HYAL4: variants seen among roughly 807,000 people sequenced by gnomAD.
HYAL4 encodes hyaluronidase 4.
HYAL4 carries 37 observed loss-of-function variants against 35.2 expected under a neutral mutation model. That is an observed-to-expected ratio of 1.05 (90% confidence interval 0.81 to 1.38). The LOEUF (loss-of-function observed/expected upper bound fraction) is 1.38, where lower values mean the gene tolerates loss of function less well. Among genes scored for constraint, HYAL4 ranks in the 40% most tolerant of loss-of-function variants. The pLI, the probability that HYAL4 is intolerant of heterozygous loss-of-function variation, is 0.00. For missense variants in HYAL4, 572 were observed against 572.4 expected (o/e 1.00, Z 0.01); for synonymous variants, 198 against 203.2 (o/e 0.97, Z 0.22).
At chr7:123,819,362 G>A in the HYAL4 span, 1 of 152,610 alleles carries the variant, frequency 6.6e-6, no homozygotes, top group African/African-American at 2.4e-5. Context: ...GCATGCAATT[G>A]GCGAAAGTGC....
intron 2 of HYAL4, among the ~76,000 whole-genome samples, chr7:123,858,180 C>G (rs1034818075): frequency 2.0e-5 from 3 of 152,100 alleles, no homozygotes; most frequent in African/African-American, 4.8e-5. Flanking sequence ...CTATCTCTAT[C>G]TCAAAAACAA....
At chr7:123,829,723 A>G (rs1163133085) in intron 1 of HYAL4, among the ~76,000 whole-genome samples, 4 of 152,156 alleles carry the variant, frequency 2.6e-5, no homozygotes, top group Non-Finnish European at 4.4e-5. Flanking sequence ...AGTCCCAGCA[A>G]CTTCAGCCTG....
At chr7:123,794,952 C>T in the HYAL4 span, among the ~76,000 whole-genome samples, 1 of 152,312 alleles carries the variant, frequency 6.6e-6, no homozygotes, top group South Asian at 2.1e-4. Context: ...TAATGCCAGC[C>T]CCTGAAGGCA....
At chr7:123,807,617 T>C in the HYAL4 span, among the ~76,000 whole-genome samples, 1 of 151,752 alleles carries the variant, frequency 6.6e-6, no homozygotes, top group Non-Finnish European at 1.5e-5. Flanking sequence ...ATTTTTGTAT[T>C]TTTAGTAGAG....
intron 2 of HYAL4, among the ~76,000 whole-genome samples, chr7:123,864,070 CCTGT>C (rs1806635773): frequency 6.6e-6 from 1 of 152,008 alleles, no homozygotes; most frequent in South Asian, 2.1e-4. Flanking sequence ...TGAAATAGGC[CCTGT>C]CTGTTTGCTG....
At chr7:123,815,438 A>C in the HYAL4 span, among the ~76,000 whole-genome samples, 1 of 152,190 alleles carries the variant, frequency 6.6e-6, no homozygotes, top group Non-Finnish European at 1.5e-5. Flanking sequence ...AACCAACTAC[A>C]TTTCTCATTA....
chr7:123,777,364 G>T, the HYAL4 span, among the ~76,000 whole-genome samples: 1 of 151,252 alleles, frequency 6.6e-6, no homozygotes, highest in African/African-American at 2.4e-5. Context: ...GGATATATTG[G>T]GTTAAATAAA....
chr7:123,803,649 C>T, the HYAL4 span, among the ~76,000 whole-genome samples: 2 of 152,104 alleles, frequency 1.3e-5, no homozygotes, highest in Admixed American at 1.3e-4. Context: ...TAGATATTTT[C>T]CTCCTTTGCA....
At chr7:123,834,046 A>T (rs1255449966) in intron 1 of HYAL4, among the ~76,000 whole-genome samples, 3 of 152,142 alleles carry the variant, frequency 2.0e-5, no homozygotes, top group Non-Finnish European at 4.4e-5. Context: ...CTTTTTGCTT[A>T]GTCTTGCTTT....
chr7:123,781,012 C>T, the HYAL4 span, among the ~76,000 whole-genome samples: 1 of 49,900 alleles, frequency 2.0e-5, no homozygotes, highest in Non-Finnish European at 3.8e-5. Flanking sequence ...AATATGGCCT[C>T]GTGGGAAGGG....
chr7:123,825,844 A>G (rs1012816205), upstream of HYAL4, among the ~76,000 whole-genome samples: 3 of 152,110 alleles, frequency 2.0e-5, no homozygotes, highest in East Asian at 3.8e-4. Context: ...TCATAAATTT[A>G]TACTTTTAAC....
chr7:123,868,225 C>G lies in HYAL4; in HGVS notation c.-49C>G. The G allele has an allele frequency of 9.7e-7, 1 of 1,032,286 alleles. No homozygotes were observed. The highest frequency in any genetic ancestry group is 1.6e-5 in the African/African-American group (1 of 62,464). 63.9% of individuals were successfully genotyped at this position (1,032,286 alleles called of 1,614,324 possible). ...CAGAAAATTAAATCTCTCCACAGGTCTTCTAGAGTGCACTAAAGCAGAAGA... is the reference window on the plus strand; with the variant it reads ...CAGAAAATTAAATCTCTCCACAGGTGTTCTAGAGTGCACTAAAGCAGAAGA... On this transcript the variant is annotated splice_region_variant and 5_prime_UTR_variant, in exon 3 of 5. Transcript: ENST00000223026.
At chr7:123,850,492 G>A (rs1005858381) in intron 2 of HYAL4, among the ~76,000 whole-genome samples, 23 of 152,012 alleles carry the variant, frequency 1.5e-4, no homozygotes, top group African/African-American at 5.1e-4. Context: ...CCTCCTCCTC[G>A]GCCTCCCAAA....
At chr7:123,818,262 A>G in the HYAL4 span, among the ~76,000 whole-genome samples, 1 of 152,170 alleles carries the variant, frequency 6.6e-6, no homozygotes, top group Non-Finnish European at 1.5e-5. Context: ...TTTACTTTCC[A>G]AATTCTGTGT....
At chr7:123,814,667 G>A in the HYAL4 span, 1 of 152,604 alleles carries the variant, frequency 6.6e-6, no homozygotes, top group Non-Finnish European at 1.5e-5. Context: ...AGTTGCCCGA[G>A]AGGAATTTGA....
chr7:123,794,422 G>A, the HYAL4 span, among the ~76,000 whole-genome samples: 1 of 152,168 alleles, frequency 6.6e-6, no homozygotes, highest in Non-Finnish European at 1.5e-5. Context: ...CGAGACCTTT[G>A]TGGCAGCCCC....
chr7:123,807,651 G>A, the HYAL4 span, among the ~76,000 whole-genome samples: 1 of 151,496 alleles, frequency 6.6e-6, no homozygotes, highest in African/African-American at 2.4e-5. Context: ...ATGTTGGTTA[G>A]GCTGGTCTCG....
At chr7:123,799,871 G>A in the HYAL4 span, among the ~76,000 whole-genome samples, 2 of 151,904 alleles carry the variant, frequency 1.3e-5, no homozygotes, top group African/African-American at 2.4e-5. Flanking sequence ...ACTAAAAATA[G>A]AAGTCTTGCC....
chr7:123,801,235 A>G, the HYAL4 span, among the ~76,000 whole-genome samples: 1 of 152,164 alleles, frequency 6.6e-6, no homozygotes, highest in Non-Finnish European at 1.5e-5. Context: ...TGGTTTTCTT[A>G]TTGAGGCAGT....
Sources: allele counts gnomAD v4.1 joint callset (sites outside exome capture counted in the v4.1 genomes callset), GRCh38; gene constraint gnomAD v4.1.1; transcripts MANE v1.5; gene names NCBI Gene and HGNC (gene_info 2026-07-23, HGNC 2026-07-21).